ARHGEF7: variants seen among roughly 807,000 people sequenced by gnomAD.
The protein encoded by ARHGEF7 is Rho guanine nucleotide exchange factor 7, also known as PAK-interacting exchange factor beta.
Under a neutral mutation model 109.8 loss-of-function variants are expected in ARHGEF7, and 33 were observed. The ratio of observed to expected loss-of-function variants is 0.30; its 90% CI spans 0.23 to 0.40. The LOEUF (loss-of-function observed/expected upper bound fraction) is 0.40, where lower values mean the gene tolerates loss of function less well. Ranked by LOEUF, ARHGEF7 falls within the 10% of genes least tolerant of loss-of-function variation. The pLI, the probability that ARHGEF7 is intolerant of heterozygous loss-of-function variation, is 1.00. For synonymous variants in ARHGEF7, 458 were observed against 424.6 expected, an observed-to-expected ratio of 1.08 and a Z score of -0.97; for missense variants, 938 against 1,098.5, an observed-to-expected ratio of 0.85 and a Z score of 2.07.
intron 2 of ARHGEF7, among the ~76,000 whole-genome samples, chr13:111,187,822 G>A (rs2079426987): frequency 6.6e-6 from 1 of 152,236 alleles, no homozygotes; most frequent in Non-Finnish European, 1.5e-5. Flanking sequence ...TTGTCCGCTA[G>A]GCAGAGTGGC....
chr13:111,114,644 C>G (rs1213790924), upstream of ARHGEF7: 1 of 152,464 alleles, frequency 6.6e-6, no homozygotes, highest in Non-Finnish European at 1.5e-5. Context: ...AGGCGCCCGG[C>G]CCGGCCCGGC....
At chr13:111,146,469 A>G (rs918204369) in intron 1 of ARHGEF7, among the ~76,000 whole-genome samples, 4 of 152,218 alleles carry the variant, frequency 2.6e-5, no homozygotes, top group Non-Finnish European at 5.9e-5. Context: ...AAACATACAC[A>G]CACATGTGCA....
intron 8 of ARHGEF7, among the ~76,000 whole-genome samples, chr13:111,259,276 T>C (rs191076297): frequency 1.3e-5 from 2 of 152,282 alleles, no homozygotes; most frequent in African/African-American, 4.8e-5. Context: ...GGGCCTTGGG[T>C]GCAGTCCAGT....
At chr13:111,229,893 A>G (rs1049216872) in intron 5 of ARHGEF7, among the ~76,000 whole-genome samples, 5 of 152,050 alleles carry the variant, frequency 3.3e-5, no homozygotes, top group Admixed American at 6.5e-5. Context: ...CAGCCTGCAC[A>G]CTTCCTTGCT....
intron 4 of ARHGEF7, among the ~76,000 whole-genome samples, chr13:111,214,542 A>G (rs939511332): frequency 9.9e-5 from 15 of 152,212 alleles, no homozygotes; most frequent in African/African-American, 2.7e-4. Flanking sequence ...TAGTGAGTGG[A>G]GATGGTGGTT....
chr13:111,188,649 G>T (rs2079528700), intron 2 of ARHGEF7, among the ~76,000 whole-genome samples: 1 of 152,208 alleles, frequency 6.6e-6, no homozygotes. Context: ...ACTGTGTTTA[G>T]AATTTGAGAA....
At position 111,303,034 on chromosome 13, in the gene ARHGEF7, C is replaced by T; in HGVS notation, c.2510C>T (p.Ala837Val). 1 of 1,614,128 alleles carries T rather than the reference C, an allele frequency of 6.2e-7. No homozygotes were observed. Among genetic ancestry groups the T allele is most frequent in the Non-Finnish European group, 8.5e-7 (1 of 1,179,966 alleles). ...AAATCTCTAGAGGAAGAACAGAGAG[C>T]CCGCAAAGACCTGGAGAAGCTGGTG... ...MKKSLEEEQR[A>V]RKDLEKLVRK... Residue 837 changes from alanine (A) to valine (V), a missense_variant, in exon 22 of 22, where the codon GCC becomes GTC. By Grantham distance (64) the Ala-to-Val change is moderately conservative. Around this residue, in one of 4 missense-constraint regions of ARHGEF7, gnomAD observed 166 missense variants for 167.3 expected, o/e 0.99. Coordinates refer to ENST00000646102, the MANE Select transcript of ARHGEF7 (RefSeq NM_001354046.2).
At chr13:111,167,079 G>A (rs1270092774) in intron 2 of ARHGEF7, among the ~76,000 whole-genome samples, 1 of 152,188 alleles carries the variant, frequency 6.6e-6, no homozygotes, top group Non-Finnish European at 1.5e-5. Flanking sequence ...GTAACCACCT[G>A]AGTAAACGGT....
chr13:111,231,889 A>G (rs1257821239), intron 5 of ARHGEF7, among the ~76,000 whole-genome samples: 1 of 152,140 alleles, frequency 6.6e-6, no homozygotes, highest in Non-Finnish European at 1.5e-5. Flanking sequence ...CCTCTAGGAA[A>G]TGCTCATCAG....
At chr13:111,213,749 A>G (rs185287212) in intron 4 of ARHGEF7, among the ~76,000 whole-genome samples, 1 of 152,192 alleles carries the variant, frequency 6.6e-6, no homozygotes, top group African/African-American at 2.4e-5. Context: ...CCCCACAATG[A>G]TAAAATAGTG....
rs1207533672 is a variant in ARHGEF7, at chr13:111,286,191, G to C, written c.1995G>C (p.Lys665Asn). 1 of 1,613,948 alleles carries C rather than the reference G, an allele frequency of 6.2e-7. No homozygotes were observed. Among genetic ancestry groups the C allele is most frequent in the Non-Finnish European group, 8.5e-7 (1 of 1,180,020 alleles). The change falls in exon 17 of 22, where the codon AAG becomes AAC. Residue 665 changes from lysine to asparagine, a missense_variant. Physicochemically the swap from Lys to Asn is moderately conservative, Grantham distance 94 (BLOSUM62 0). This residue lies in a region of ARHGEF7 where 22 missense variants were observed against 81.9 expected (regional missense o/e 0.27). Transcript: ENST00000646102. ...AGACCATGAAAAAGCTGCTGCCCAA[G>C]CGCAAACCTGAACGGAAGCCTTCAG... ...SPKTMKKLLP[K>N]RKPERKPSDE...
At chr13:111,287,309 C>G (rs1461479974) in intron 17 of ARHGEF7, among the ~76,000 whole-genome samples, 2 of 152,216 alleles carry the variant, frequency 1.3e-5, no homozygotes, top group Non-Finnish European at 2.9e-5. Context: ...CTGTTGCTTA[C>G]TGGCTGTGCC....
intron 19 of ARHGEF7, among the ~76,000 whole-genome samples, chr13:111,296,557 A>G (rs534237505): frequency 6.6e-6 from 1 of 151,954 alleles, no homozygotes; most frequent in African/African-American, 2.4e-5. Flanking sequence ...TGTTTTTCTT[A>G]CTCCCACCTC....
At chr13:111,294,420 TA>T (rs1181493127) in intron 19 of ARHGEF7, 2 of 985,344 alleles carry the variant, frequency 2.0e-6, no homozygotes, top group African/African-American at 3.5e-5. Context: ...TAATACCAAG[TA>T]TCATTTGGTT....
At chr13:111,295,562 G>A (rs941016971) in intron 19 of ARHGEF7, among the ~76,000 whole-genome samples, 2 of 152,156 alleles carry the variant, frequency 1.3e-5, no homozygotes, top group Non-Finnish European at 2.9e-5. Flanking sequence ...GTTTTATAAA[G>A]TGCTTATCCA....
rs563313376 is a variant in ARHGEF7, at chr13:111,157,698, G to A, written c.252+3707G>A. Among the ~76,000 whole-genome samples, 5 of 152,330 alleles carry A rather than the reference G, an allele frequency of 3.3e-5. No homozygotes were observed. In the East Asian group the frequency reaches 9.6e-4, roughly 29 times the overall value. On this transcript the variant is annotated intron_variant, in intron 2 of 21. Transcript: ENST00000646102. ...ATTTTCTTAGGTAAACAGCTACAGA[G>A]AAATTCAGAGTGATTTCTGTTTCCA...
chr13:111,138,905 T>C (rs1050949344), intron 1 of ARHGEF7, among the ~76,000 whole-genome samples: 2 of 152,184 alleles, frequency 1.3e-5, no homozygotes, highest in African/African-American at 4.8e-5. Context: ...GTTCATTCCC[T>C]GTGGCTTTGC....
At chr13:111,289,843 C>T (rs562964086) in intron 18 of ARHGEF7, among the ~76,000 whole-genome samples, 5 of 151,976 alleles carry the variant, frequency 3.3e-5, no homozygotes, top group East Asian at 1.9e-4. Flanking sequence ...TACCATATCC[C>T]GTCTATGACA....
chr13:111,223,987 G>A (rs1487541616), intron 5 of ARHGEF7, among the ~76,000 whole-genome samples: 3 of 151,810 alleles, frequency 2.0e-5, no homozygotes, highest in Admixed American at 2.0e-4. Context: ...CTCCCAAGTA[G>A]CTGGGATTAC....
Sources: gnomAD v4.1 joint callset for allele counts (sites outside exome capture counted in the v4.1 genomes callset) on GRCh38, gnomAD v4.1.1 for gene constraint, gnomAD v4.1.1 regional missense constraint, MANE v1.5 for transcripts, NCBI Gene and HGNC (gene_info 2026-07-23, HGNC 2026-07-21) for gene names.